The following ANKS1A variants were observed in gnomAD, a reference collection of about 807,000 sequenced individuals.
ANKS1A encodes the protein ankyrin repeat and sterile alpha motif domain containing 1A.
ANKS1A carries 55 observed loss-of-function variants against 120.3 expected under a neutral mutation model. The ratio of observed to expected loss-of-function variants is 0.46; its 90% CI spans 0.37 to 0.57. The LOEUF is 0.57. Ranked by LOEUF, ANKS1A falls within the 20% of genes least tolerant of loss-of-function variation. The pLI, the probability that ANKS1A is intolerant of heterozygous loss-of-function variation, is 0.00. For synonymous variants in ANKS1A, 590 were observed against 604.7 expected, an observed-to-expected ratio of 0.98 and a Z score of 0.36; for missense variants, 1,123 against 1,480.3, an observed-to-expected ratio of 0.76 and a Z score of 3.96.
At chr6:34,917,674 G>A (rs866952623) in intron 1 of ANKS1A, among the ~76,000 whole-genome samples, 2 of 152,216 alleles carry the variant, frequency 1.3e-5, no homozygotes, top group Admixed American at 6.5e-5. Flanking sequence ...TGTCCCTACA[G>A]AACTGACTGC....
At chr6:34,999,131 C>A (rs1021430577) in intron 10 of ANKS1A, among the ~76,000 whole-genome samples, 31 of 152,202 alleles carry the variant, frequency 2.0e-4, no homozygotes, top group African/African-American at 6.3e-4. Context: ...CTTGCCCACT[C>A]CATCTGAGTG....
chr6:34,990,379 C>A (rs1772440194), intron 9 of ANKS1A, among the ~76,000 whole-genome samples: 1 of 152,058 alleles, frequency 6.6e-6, no homozygotes, highest in Non-Finnish European at 1.5e-5. Context: ...TCTAGATTTG[C>A]AGCCTGTTAT....
At chr6:35,020,374 G>C (rs545702121) in intron 11 of ANKS1A, among the ~76,000 whole-genome samples, 1 of 152,334 alleles carries the variant, frequency 6.6e-6, no homozygotes, top group Non-Finnish European at 1.5e-5. Context: ...TAGGTTATAT[G>C]CAATGTTATT....
intron 11 of ANKS1A, among the ~76,000 whole-genome samples, chr6:35,036,681 T>A (rs984103981): frequency 6.6e-6 from 1 of 152,244 alleles, no homozygotes; most frequent in South Asian, 2.1e-4. Flanking sequence ...TCTGCCAGTT[T>A]TCTAGAAACA....
downstream of ANKS1A, among the ~76,000 whole-genome samples, chr6:35,096,234 T>C (rs1778466941): frequency 6.6e-6 from 1 of 152,234 alleles, no homozygotes; most frequent in African/African-American, 2.4e-5. Context: ...TTTTTCACTT[T>C]ATAGAGGATT....
At chr6:34,920,903 A>G (rs1768402322) in intron 1 of ANKS1A, among the ~76,000 whole-genome samples, 1 of 152,148 alleles carries the variant, frequency 6.6e-6, no homozygotes, top group African/African-American at 2.4e-5. Context: ...CCTCTTCTCT[A>G]GGGAGCTGCA....
chr6:34,938,931 T>G lies in ANKS1A; in HGVS notation c.198-28308T>G, dbSNP rs1769396188. The stretch of plus-strand genomic sequence containing the variant: ...TGAACCCGGGAGGTGGAGGTTACAG[T>G]GAGCTGAGATCTCGCCACTGTGCTC... On this transcript the variant is annotated intron_variant, in intron 1 of 23. Coordinates refer to ENST00000360359, the MANE Select transcript of ANKS1A (RefSeq NM_015245.3). 3.9e-5 allele frequency among the ~76,000 whole-genome samples: 6 copies of G among 152,324 alleles called. No homozygotes were observed. The South Asian group carries it at 1.2e-3, about 32-fold the overall frequency.
rs547725988 is a variant in ANKS1A at position 35,084,340 on chromosome 6, G to C, written c.3132+82G>C. 1 of 1,551,964 alleles carries C rather than the reference G, an allele frequency of 6.4e-7. No homozygotes were observed. The highest frequency in any genetic ancestry group is 8.7e-7 in the Non-Finnish European group (1 of 1,150,530). ...CAGCCCCATTGCAGGGCACAGATGCGGCGCTGTCCTGGCCCCTGGCCAGTG... is the reference window on the plus strand; with the variant it reads ...CAGCCCCATTGCAGGGCACAGATGCCGCGCTGTCCTGGCCCCTGGCCAGTG... On this transcript the variant is annotated intron_variant, in intron 21 of 23. Coordinates refer to ENST00000360359, the MANE Select transcript of ANKS1A (RefSeq NM_015245.3). The surrounding 1 kb of genome is among the most constrained non-coding windows in gnomAD (Gnocchi z 4.8).
At chr6:34,928,566 G>A in intron 1 of ANKS1A, among the ~76,000 whole-genome samples, 1 of 147,564 alleles carries the variant, frequency 6.8e-6, no homozygotes, top group Non-Finnish European at 1.5e-5. Context: ...TCACTGCTTT[G>A]TGTCCCACAC....
In ANKS1A at chr6:34,989,329, G is replaced by A. The variant is rs753434531; in HGVS notation, c.1302+13G>A. On this transcript the variant is annotated intron_variant, in intron 9 of 23. Coordinates refer to ENST00000360359, the MANE Select transcript of ANKS1A (RefSeq NM_015245.3). ...GACAGCTTCTGAGGTAGAGGGTTGT[G>A]GGTTTATTCCCCATTGCTGAAATTT... 25 of 1,609,516 alleles carry A rather than the reference G, an allele frequency of 1.6e-5. No homozygotes were observed. The highest frequency in any genetic ancestry group is 2.1e-5 in the Non-Finnish European group (25 of 1,177,848).
At position 34,935,447 on chromosome 6, in the gene ANKS1A, T is replaced by C. The variant is rs138252932; in HGVS notation, c.198-31792T>C. Among the ~76,000 whole-genome samples, 25 of 152,348 alleles carry C rather than the reference T, an allele frequency of 1.6e-4. No individual in the cohort carries two copies. The East Asian group carries it at 4.0e-3, about 25-fold the overall frequency. On this transcript the variant is annotated intron_variant, in intron 1 of 23. Coordinates refer to ENST00000360359, the MANE Select transcript of ANKS1A (RefSeq NM_015245.3). Reference sequence around the variant, plus strand: ...AACTGGGATTGCCCTGGTGTTAGTTTGCATTAAAAATTGCTGATATGAGAT... The same window carrying C: ...AACTGGGATTGCCCTGGTGTTAGTTCGCATTAAAAATTGCTGATATGAGAT...
At chr6:34,925,474 G>A (rs1332039513) in intron 1 of ANKS1A, among the ~76,000 whole-genome samples, 3 of 152,190 alleles carry the variant, frequency 2.0e-5, no homozygotes, top group Admixed American at 1.3e-4. Context: ...AGCATAAACT[G>A]TTGGACCCGG....
chr6:34,994,222 A>G (rs1411394915), intron 9 of ANKS1A, 80 bp from the exon 10 acceptor site: 47 of 1,536,884 alleles, frequency 3.1e-5, no homozygotes, highest in South Asian at 1.8e-4. Flanking sequence ...AAAAGAGCCA[A>G]TAATCTCGAA....
intron 10 of ANKS1A, among the ~76,000 whole-genome samples, 175 bp downstream of exon 10, chr6:34,994,597 C>G (rs1187786011): frequency 1.3e-5 from 2 of 152,142 alleles, no homozygotes; most frequent in African/African-American, 4.8e-5. Flanking sequence ...AATACCTGAC[C>G]TATATGCTCT....
intron 1 of ANKS1A, among the ~76,000 whole-genome samples, chr6:34,962,156 G>A (rs1404356989): frequency 2.0e-5 from 3 of 152,138 alleles, no homozygotes; most frequent in African/African-American, 4.8e-5. Flanking sequence ...TGGAAAATGA[G>A]GTCATTGTAC....
intron 1 of ANKS1A, among the ~76,000 whole-genome samples, chr6:34,956,147 C>T (rs1189337750): frequency 6.6e-6 from 1 of 151,422 alleles, no homozygotes; most frequent in Non-Finnish European, 1.5e-5. Context: ...GAAGTTTATT[C>T]TACTTTATCT....
At chr6:35,038,168 T>G in intron 11 of ANKS1A, 1 of 456,684 alleles carries the variant, frequency 2.2e-6, no homozygotes, top group Non-Finnish European at 4.4e-6. Context: ...CATCTTGTCC[T>G]ACTGTTGTTT....
chr6:34,897,403 C>G (rs1231649740), intron 1 of ANKS1A, among the ~76,000 whole-genome samples: 1 of 152,166 alleles, frequency 6.6e-6, no homozygotes, highest in Non-Finnish European at 1.5e-5. Context: ...AAAAGGAAGT[C>G]CAGGCTATTT....
At chr6:34,989,652 T>C (rs763244160) in intron 9 of ANKS1A, among the ~76,000 whole-genome samples, 64 of 152,220 alleles carry the variant, frequency 4.2e-4, no homozygotes, top group Non-Finnish European at 6.9e-4. Flanking sequence ...TTAATCACTG[T>C]TCCCTAGACT....
Sources: allele counts gnomAD v4.1 joint callset (sites outside exome capture counted in the v4.1 genomes callset), GRCh38; gene constraint gnomAD v4.1.1; non-coding constraint Gnocchi (gnomAD v3.1); transcripts MANE v1.5; gene names NCBI Gene and HGNC (gene_info 2026-07-23, HGNC 2026-07-21).